STMN2: variants seen among roughly 807,000 people sequenced by gnomAD.
The protein encoded by STMN2 is stathmin-2.
STMN2 carries 2 observed loss-of-function variants against 24.1 expected under a neutral mutation model. That is an observed-to-expected ratio of 0.08 (90% confidence interval 0.03 to 0.26). The LOEUF is 0.26. STMN2 is among the 10% of genes least tolerant of loss of function. The pLI is 1.00. For synonymous variants in STMN2, 83 were observed against 77.5 expected (o/e 1.07, Z -0.37); for missense variants, 114 against 213.6 (o/e 0.53, Z 2.91).
chr8:79,633,377 C>T (rs1158899454), intron 1 of STMN2, among the ~76,000 whole-genome samples: 1 of 152,116 alleles, frequency 6.6e-6, no homozygotes, highest in East Asian at 1.9e-4. Context: ...GAATCACCAC[C>T]CACAGAGGTT....
intron 1 of STMN2, among the ~76,000 whole-genome samples, chr8:79,619,068 ATT>A (rs879679608): frequency 2.7e-5 from 4 of 145,900 alleles, no homozygotes; most frequent in African/African-American, 7.5e-5. Context: ...GGACTGAATG[ATT>A]TTTTTTTTTT....
At chr8:79,651,017 G>A (rs1377610130) in intron 3 of STMN2, among the ~76,000 whole-genome samples, 1 of 152,200 alleles carries the variant, frequency 6.6e-6, no homozygotes, top group African/African-American at 2.4e-5. Context: ...GGGATAGAAT[G>A]CTTTCCACCA....
intron 1 of STMN2, among the ~76,000 whole-genome samples, chr8:79,622,939 C>T (rs1210055697): frequency 2.6e-5 from 4 of 152,164 alleles, no homozygotes; most frequent in African/African-American, 9.7e-5. Flanking sequence ...CTCCGTATCA[C>T]CTGACTGTGC....
At chr8:79,662,860 T>A (rs774269165) in intron 4 of STMN2, among the ~76,000 whole-genome samples, 1 of 152,132 alleles carries the variant, frequency 6.6e-6, no homozygotes, top group Non-Finnish European at 1.5e-5. Context: ...CTGGGCTTTT[T>A]CTCAATTTTT....
At chr8:79,627,030 C>A (rs1304794064) in intron 1 of STMN2, among the ~76,000 whole-genome samples, 1 of 152,100 alleles carries the variant, frequency 6.6e-6, no homozygotes, top group African/African-American at 2.4e-5. Context: ...ACCTCAAGGC[C>A]ACAACTACTG....
chr8:79,648,502 G>T (rs888633514), intron 3 of STMN2, among the ~76,000 whole-genome samples: 8 of 132,800 alleles, frequency 6.0e-5, no homozygotes, highest in Non-Finnish European at 1.1e-4. Context: ...TGCCACTCAG[G>T]CTCAGGCTGG....
intron 4 of STMN2, among the ~76,000 whole-genome samples, chr8:79,663,856 C>T (rs993502002): frequency 8.5e-5 from 13 of 152,120 alleles, no homozygotes; most frequent in Non-Finnish European, 1.5e-4. Flanking sequence ...AAAATACTTC[C>T]TCCATCAGTT....
At chr8:79,611,354 A>T (rs938371747) in intron 1 of STMN2, 140 bp downstream of exon 1, 18 of 1,146,902 alleles carry the variant, frequency 1.6e-5, no homozygotes, top group East Asian at 5.1e-5. Context: ...AGGACAGGGC[A>T]GTTCTGGGGG....
At chr8:79,657,074 G>A (rs1326932003) in intron 4 of STMN2, among the ~76,000 whole-genome samples, 2 of 152,020 alleles carry the variant, frequency 1.3e-5, no homozygotes, top group Non-Finnish European at 2.9e-5. Flanking sequence ...GGGTTTTGCC[G>A]TGTTGGCCAA....
chr8:79,613,874 C>A, intron 1 of STMN2: 1 of 975,074 alleles, frequency 1.0e-6, no homozygotes, highest in Non-Finnish European at 1.2e-6. Context: ...TTGCTAAGAG[C>A]AGGGTTTGTG....
At chr8:79,627,892 T>C (rs1243044858) in intron 1 of STMN2, among the ~76,000 whole-genome samples, 1 of 152,240 alleles carries the variant, frequency 6.6e-6, no homozygotes, top group African/African-American at 2.4e-5. Flanking sequence ...TCACTTGACA[T>C]AATGTCCTTC....
chr8:79,611,594 C>A, intron 1 of STMN2: 1 of 220,460 alleles, frequency 4.5e-6, no homozygotes, highest in Non-Finnish European at 8.2e-6. Context: ...TTTATTTCTT[C>A]TCTAGTTTAA....
At chr8:79,654,512 T>C (rs1810404020) in intron 3 of STMN2, among the ~76,000 whole-genome samples, 1 of 152,242 alleles carries the variant, frequency 6.6e-6, no homozygotes, top group Non-Finnish European at 1.5e-5. Context: ...ACTGTTTTCC[T>C]CAGGCTTTGG....
At chr8:79,662,112 C>G (rs1806515021) in intron 4 of STMN2, among the ~76,000 whole-genome samples, 1 of 152,076 alleles carries the variant, frequency 6.6e-6, no homozygotes, top group Admixed American at 6.6e-5. Flanking sequence ...AGAAATCTTT[C>G]TATGAAATCA....
intron 1 of STMN2, among the ~76,000 whole-genome samples, chr8:79,632,096 G>C (rs1022434789): frequency 1.3e-5 from 2 of 152,076 alleles, no homozygotes; most frequent in African/African-American, 4.8e-5. Context: ...TTAAATCCTG[G>C]CACCAGCTCT....
At chr8:79,638,005 C>A in intron 2 of STMN2, among the ~76,000 whole-genome samples, 1 of 152,306 alleles carries the variant, frequency 6.6e-6, no homozygotes, top group Middle Eastern at 3.4e-3. Context: ...TGTCTCCAAA[C>A]AAAACATTCA....
intron 1 of STMN2, among the ~76,000 whole-genome samples, chr8:79,613,146 C>T (rs992172820): frequency 6.6e-6 from 1 of 152,114 alleles, no homozygotes. Flanking sequence ...CTTTTTTTCC[C>T]CCAGCCCAAG....
At chr8:79,654,634 C>T (rs959423019) in intron 3 of STMN2, among the ~76,000 whole-genome samples, 37 of 152,154 alleles carry the variant, frequency 2.4e-4, no homozygotes, top group African/African-American at 8.4e-4. Context: ...TTAAATGCTT[C>T]TTCTTCTAAG....
At chr8:79,631,466 T>G in intron 1 of STMN2, 1 of 983,792 alleles carries the variant, frequency 1.0e-6, no homozygotes, top group Non-Finnish European at 1.2e-6. Context: ...CTAAAGCAAT[T>G]AGCATTACAT....
Sources: allele counts gnomAD v4.1 joint callset (sites outside exome capture counted in the v4.1 genomes callset), GRCh38; gene constraint gnomAD v4.1.1; transcripts MANE v1.5; gene names NCBI Gene and HGNC (gene_info 2026-07-23, HGNC 2026-07-21).